AJAP1: variants seen among roughly 807,000 people sequenced by gnomAD.
The protein encoded by AJAP1 is adherens junction-associated protein 1.
Under a neutral mutation model 35.0 loss-of-function variants are expected in AJAP1, and 5 were observed. The ratio of observed to expected loss-of-function variants is 0.14; its 90% CI spans 0.07 to 0.30. The LOEUF is 0.30. AJAP1 is among the 10% of genes least tolerant of loss of function. AJAP1 has a pLI of 1.00. For synonymous variants in AJAP1, 284 were observed against 249.3 expected (o/e 1.14, Z -1.31); for missense variants, 586 against 571.0 (o/e 1.03, Z -0.27).
chr1:4,740,099 A>G (rs1407418090), intron 2 of AJAP1, among the ~76,000 whole-genome samples: 1 of 152,112 alleles, frequency 6.6e-6, no homozygotes, highest in Admixed American at 6.5e-5. Flanking sequence ...CAATATTCGA[A>G]GTCACACCTC....
intron 2 of AJAP1, among the ~76,000 whole-genome samples, chr1:4,741,432 C>G (rs1325955670): frequency 1.3e-5 from 2 of 152,190 alleles, no homozygotes; most frequent in African/African-American, 4.8e-5. Flanking sequence ...TAATCTCTGC[C>G]TCTCTTTCCC....
At chr1:4,757,973 C>T (rs1359814165) in intron 2 of AJAP1, among the ~76,000 whole-genome samples, 1 of 152,132 alleles carries the variant, frequency 6.6e-6, no homozygotes, top group Non-Finnish European at 1.5e-5. Flanking sequence ...TGATCACCCT[C>T]ATGCTGTTTC....
intron 1 of AJAP1, among the ~76,000 whole-genome samples, chr1:4,671,415 G>C (rs956805656): frequency 2.2e-5 from 3 of 133,972 alleles, no homozygotes; most frequent in African/African-American, 7.8e-5. Context: ...GAGGACATAG[G>C]ACATGATGCT....
chr1:4,656,049 G>C lies in AJAP1; in HGVS notation c.29+595G>C, dbSNP rs1206506230. Among the ~76,000 whole-genome samples, 1 of 152,012 alleles carries C rather than the reference G, an allele frequency of 6.6e-6. No homozygotes were observed. Among genetic ancestry groups the C allele is most frequent in the African/African-American group, 2.4e-5 (1 of 41,404 alleles). ...GGCCCGACGGGCGCTCACAGCTGGC[G>C]GGCAGCTGGGGCGGGAGAGCTGGGG... On this transcript the variant is annotated intron_variant, in intron 1 of 5. Coordinates refer to ENST00000378191, the MANE Select transcript of AJAP1 (RefSeq NM_018836.4). The surrounding 1 kb of genome is among the most constrained non-coding windows in gnomAD (Gnocchi z 5.7).
At chr1:4,697,609 G>C (rs1191997597) in intron 1 of AJAP1, among the ~76,000 whole-genome samples, 1 of 152,234 alleles carries the variant, frequency 6.6e-6, no homozygotes, top group Non-Finnish European at 1.5e-5. Flanking sequence ...CCACAGGCTG[G>C]TGCCAGGTCC....
At chr1:4,775,724 A>T (rs570120842) in intron 5 of AJAP1, among the ~76,000 whole-genome samples, 31 of 152,316 alleles carry the variant, frequency 2.0e-4, no homozygotes, top group Middle Eastern at 6.8e-3. Context: ...TGGCAAAGAA[A>T]CGTAATTAGA....
intron 1 of AJAP1, among the ~76,000 whole-genome samples, chr1:4,707,673 C>G (rs866924030): frequency 1.3e-5 from 2 of 152,126 alleles, no homozygotes; most frequent in Non-Finnish European, 2.9e-5. Context: ...CTGACGGGCA[C>G]GTGAGCTGAG....
intron 1 of AJAP1, among the ~76,000 whole-genome samples, chr1:4,667,824 G>A (rs1639164569): frequency 1.3e-5 from 2 of 152,194 alleles, no homozygotes; most frequent in African/African-American, 4.8e-5. Flanking sequence ...GAGCCCCTGA[G>A]ACACAAGGCA....
chr1:4,706,101 G>A (rs1570134678), intron 1 of AJAP1, among the ~76,000 whole-genome samples: 1 of 152,162 alleles, frequency 6.6e-6, no homozygotes, highest in Non-Finnish European at 1.5e-5. Flanking sequence ...GAAGCATCTG[G>A]ACACGGGTCA....
chr1:4,705,962 T>C (rs1445332516), intron 1 of AJAP1, among the ~76,000 whole-genome samples: 1 of 152,204 alleles, frequency 6.6e-6, no homozygotes, highest in Non-Finnish European at 1.5e-5. Flanking sequence ...ACGGTATCCC[T>C]TGAGGGGAAA....
intron 2 of AJAP1, among the ~76,000 whole-genome samples, chr1:4,768,884 G>A (rs1641757004): frequency 6.6e-6 from 1 of 152,236 alleles, no homozygotes; most frequent in African/African-American, 2.4e-5. Flanking sequence ...GTGGTCTGTG[G>A]TAGGGACCAG....
In AJAP1 at chr1:4,707,017, C is replaced by T. The variant is rs368338758; in HGVS notation, c.30-4883C>T. Among the ~76,000 whole-genome samples, 4 of 152,196 alleles carry T rather than the reference C, an allele frequency of 2.6e-5. No individual in the cohort carries two copies. In the East Asian group the frequency reaches 5.8e-4, roughly 22 times the overall value. On this transcript the variant is annotated intron_variant, in intron 1 of 5. Transcript: ENST00000378191. ...GGCTGCTGAGAGGGAGCTGTCCCTG[C>T]CTCTTCTCAAAGGGTGTGGATGTGG...
intron 2 of AJAP1, among the ~76,000 whole-genome samples, chr1:4,736,254 A>G (rs1640920739): frequency 6.6e-6 from 1 of 152,130 alleles, no homozygotes; most frequent in Non-Finnish European, 1.5e-5. Flanking sequence ...CCTGCTCAAG[A>G]ACTGTCATTG....
At chr1:4,767,598 A>G (rs971769809) in intron 2 of AJAP1, among the ~76,000 whole-genome samples, 4 of 142,712 alleles carry the variant, frequency 2.8e-5, no homozygotes, top group Non-Finnish European at 6.2e-5. Context: ...CACCATCACC[A>G]TTATCATCAT....
intron 2 of AJAP1, among the ~76,000 whole-genome samples, chr1:4,747,832 A>G (rs972752399): frequency 2.0e-5 from 3 of 151,918 alleles, no homozygotes; most frequent in African/African-American, 7.3e-5. Context: ...TACTAAAAAT[A>G]CAAAAATGTG....
In AJAP1 at chr1:4,734,028, G is replaced by A. The variant is rs1006970248; in HGVS notation, c.829+21329G>A. 9.2e-5 allele frequency among the ~76,000 whole-genome samples: 14 copies of A among 152,312 alleles called. No homozygotes were observed. Among genetic ancestry groups the A allele is most frequent in the African/African-American group, 2.6e-4 (11 of 41,560 alleles). ...GGCCCTTGCCGGAGCTCCAATTAGC[G>A]GCTTTTGTAAGCGATCACGTACCGA... On this transcript the variant is annotated intron_variant, in intron 2 of 5. Transcript: ENST00000378191. The surrounding 1 kb of genome is among the most constrained non-coding windows in gnomAD (Gnocchi z 4.3).
chr1:4,741,501 GACC>G (rs1399307417), intron 2 of AJAP1, among the ~76,000 whole-genome samples: 1 of 152,202 alleles, frequency 6.6e-6, no homozygotes, highest in East Asian at 1.9e-4. Context: ...AGTCATGTGT[GACC>G]TCATCTTAAT....
chr1:4,663,156 C>T lies in AJAP1; in HGVS notation c.29+7702C>T, dbSNP rs1027344504. ...TTTTTATTTTATTTATTTTTTTATA[C>T]TTTGAATAGATTAGGTCTTGCTGTG... On this transcript the variant is annotated intron_variant, in intron 1 of 5. Coordinates refer to ENST00000378191, the MANE Select transcript of AJAP1 (RefSeq NM_018836.4). Among the ~76,000 whole-genome samples, 5 of 152,076 alleles carry T rather than the reference C, an allele frequency of 3.3e-5. No homozygotes were observed. In the East Asian group the frequency reaches 9.7e-4, roughly 29 times the overall value.
intron 1 of AJAP1, among the ~76,000 whole-genome samples, chr1:4,677,097 C>T (rs534328362): frequency 1.3e-5 from 2 of 152,280 alleles, no homozygotes; most frequent in East Asian, 1.9e-4. Flanking sequence ...GCGGAGGTTG[C>T]GGTGAGCTGA....
Sources: allele counts gnomAD v4.1 joint callset (sites outside exome capture counted in the v4.1 genomes callset), GRCh38; gene constraint gnomAD v4.1.1; non-coding constraint Gnocchi (gnomAD v3.1); transcripts MANE v1.5; gene names NCBI Gene and HGNC (gene_info 2026-07-23, HGNC 2026-07-21).